Variants in IL7 observed in about 807,000 individuals in gnomAD.
IL7 encodes interleukin 7.
In IL7, 3 loss-of-function variants were observed where a neutral mutation model predicts 21.6. The ratio of observed to expected loss-of-function variants is 0.14; its 90% CI spans 0.06 to 0.36. The LOEUF is 0.36. Ranked by LOEUF, IL7 falls within the 10% of genes least tolerant of loss-of-function variation. IL7 has a pLI of 1.00. For missense variants in IL7, 175 were observed against 200.2 expected, an observed-to-expected ratio of 0.87 and a Z score of 0.76; for synonymous variants, 62 against 68.1, an observed-to-expected ratio of 0.91 and a Z score of 0.44.
intron 2 of IL7, among the ~76,000 whole-genome samples, chr8:78,773,526 T>A (rs1813031629): frequency 6.6e-6 from 1 of 152,068 alleles, no homozygotes; most frequent in South Asian, 2.1e-4. Context: ...GTGGAGCATA[T>A]TTTGGAAACA....
chr8:78,768,735 G>A (rs1169970878), intron 2 of IL7, among the ~76,000 whole-genome samples: 2 of 151,934 alleles, frequency 1.3e-5, no homozygotes, highest in East Asian at 3.9e-4. Flanking sequence ...TGTTCACTCT[G>A]ATGGTAGTTT....
At chr8:78,707,547 C>A (rs1810812370) in intron 3 of IL7, among the ~76,000 whole-genome samples, 1 of 152,210 alleles carries the variant, frequency 6.6e-6, no homozygotes, top group Non-Finnish European at 1.5e-5. Context: ...CTTTTGCTAA[C>A]AAGCAGAGAT....
intron 1 of IL7, among the ~76,000 whole-genome samples, chr8:78,799,923 A>G (rs1813995795): frequency 6.6e-6 from 1 of 152,190 alleles, no homozygotes; most frequent in African/African-American, 2.4e-5. Flanking sequence ...AAAAAAATGT[A>G]CACTCATAGA....
At chr8:78,727,952 AG>A (rs1811365242), downstream of IL7, among the ~76,000 whole-genome samples, 1 of 151,960 alleles carries the variant, frequency 6.6e-6, no homozygotes, top group Non-Finnish European at 1.5e-5. Context: ...AATATACAAA[AG>A]TGAGTCATTC....
chr8:78,684,346 G>A (rs1173050434), intron 4 of IL7, among the ~76,000 whole-genome samples: 1 of 152,212 alleles, frequency 6.6e-6, no homozygotes, highest in Non-Finnish European at 1.5e-5. Context: ...CTTACATGAT[G>A]GCAGGCAAGA....
downstream of IL7, among the ~76,000 whole-genome samples, chr8:78,728,825 G>A (rs1441318419): frequency 1.3e-5 from 2 of 151,828 alleles, no homozygotes; most frequent in African/African-American, 2.4e-5. Context: ...TCACACACAC[G>A]AAAATGCCAA....
chr8:78,763,176 CT>C (rs1010466374), intron 2 of IL7, among the ~76,000 whole-genome samples: 22 of 152,336 alleles, frequency 1.4e-4, no homozygotes, highest in Non-Finnish European at 2.8e-4. Flanking sequence ...ATGCAGCCCC[CT>C]GGACAGCATT....
At chr8:78,738,778 T>C (rs1811681091) in intron 3 of IL7, 143 bp from the exon 4 acceptor site, 1 of 680,294 alleles carries the variant, frequency 1.5e-6, no homozygotes. Flanking sequence ...GTTAATCATG[T>C]GATTGACAAG....
intron 3 of IL7, among the ~76,000 whole-genome samples, chr8:78,700,244 A>G (rs1229911795): frequency 6.6e-6 from 1 of 151,980 alleles, no homozygotes. Context: ...TTCATATGAC[A>G]GTTGACCGCA....
chr8:78,707,371 C>G (rs1810805784), intron 3 of IL7, among the ~76,000 whole-genome samples: 1 of 152,170 alleles, frequency 6.6e-6, no homozygotes, highest in Non-Finnish European at 1.5e-5. Flanking sequence ...AGTTAGAAGA[C>G]TAGGTTTCTG....
chr8:78,782,453 C>T (rs976536725), intron 2 of IL7, among the ~76,000 whole-genome samples: 1 of 152,070 alleles, frequency 6.6e-6, no homozygotes, highest in African/African-American at 2.4e-5. Flanking sequence ...TTTCTTTTAA[C>T]AGTCAGGCCC....
At chr8:78,683,497 G>A (rs1411194895) in intron 4 of IL7, among the ~76,000 whole-genome samples, 2 of 152,170 alleles carry the variant, frequency 1.3e-5, no homozygotes, top group South Asian at 4.1e-4. Context: ...TTTTAGCCAT[G>A]CCTGGAGCAG....
chr8:78,766,852 G>GGT (rs1255747366), intron 2 of IL7, among the ~76,000 whole-genome samples: 14 of 152,090 alleles, frequency 9.2e-5, no homozygotes, highest in Non-Finnish European at 1.8e-4. Context: ...GAGATTTGCT[G>GGT]AATAAAATGG....
Position 78,747,118 on chromosome 8 carries a change from C to T in IL7, c.148-7036G>A, listed in dbSNP as rs1313491155. 6.6e-6 allele frequency: 3 copies of T among 454,748 alleles called. No homozygotes were observed. The Admixed American group carries it at 7.1e-5, about 11-fold the overall frequency. 28.2% of individuals were successfully genotyped at this position (454,748 alleles called of 1,614,324 possible). On this transcript the variant is annotated intron_variant, in intron 2 of 5. Transcript: ENST00000263851. ...GATTCTAAGGATTGGAAAGTTTTGG[C>T]ATAGAATATATTCAGTCTCATGTCT...
rs994068983 is a variant in IL7, at chr8:78,712,027, A to G, written n.214+9321T>C. 4.7e-6 allele frequency: 6 copies of G among 1,289,648 alleles called. No homozygotes were observed. In the African/African-American group the frequency reaches 9.1e-5, roughly 20 times the overall value. The allele number at this position is 1,289,648 out of a possible 1,614,324, so 79.9% of individuals were successfully genotyped here. On this transcript the variant is annotated intron_variant and non_coding_transcript_variant, in intron 3 of 4. Coordinates refer to the IL7 transcript ENST00000523959. The stretch of plus-strand genomic sequence containing the variant: ...GTTAGGCCCTCCACTTCGAACGGGA[A>G]GACTTGTGCAAAGGTTGTATGACAG...
intron 3 of IL7, among the ~76,000 whole-genome samples, chr8:78,711,277 T>G (rs1810941652): frequency 6.6e-6 from 1 of 152,134 alleles, no homozygotes; most frequent in Non-Finnish European, 1.5e-5. Context: ...ATTCAGTTAT[T>G]TGGTTGGTTG....
intron 4 of IL7, among the ~76,000 whole-genome samples, chr8:78,679,597 A>G (rs1323798587): frequency 6.6e-6 from 1 of 152,172 alleles, no homozygotes; most frequent in African/African-American, 2.4e-5. Context: ...CCAACTGTGT[A>G]TTGCTAAGAA....
Position 78,782,605 on chromosome 8 carries a change from T to A in IL7, c.147+15467A>T, listed in dbSNP as rs1243458821. On this transcript the variant is annotated intron_variant, in intron 2 of 5. Coordinates refer to ENST00000263851, the MANE Select transcript of IL7 (RefSeq NM_000880.4). ...ACTGCTCCTTCCTCTGGGAGCTCCA[T>A]CCCAGAGGGTTATTGACTTCATGTT... is the stretch of plus-strand genomic sequence containing the variant. 2.0e-5 allele frequency among the ~76,000 whole-genome samples: 3 copies of A among 152,100 alleles called. No individual in the cohort carries two copies. The East Asian group carries it at 5.8e-4, about 29-fold the overall frequency.
chr8:78,675,299 A>G (rs1272009546), downstream of IL7, among the ~76,000 whole-genome samples: 1 of 151,954 alleles, frequency 6.6e-6, no homozygotes, highest in Non-Finnish European at 1.5e-5. Flanking sequence ...GGTGATCTTA[A>G]TCTTATAGCA....
Sources: gnomAD v4.1 joint callset for allele counts (sites outside exome capture counted in the v4.1 genomes callset) on GRCh38, gnomAD v4.1.1 for gene constraint, MANE v1.5 for transcripts, NCBI Gene and HGNC (gene_info 2026-07-23, HGNC 2026-07-21) for gene names.